Variants in STX11 observed in about 807,000 individuals in gnomAD.
The protein encoded by STX11 is syntaxin 11, also known as syntaxin-11.
Under a neutral mutation model 19.9 loss-of-function variants are expected in STX11, and 21 were observed. The ratio of observed to expected loss-of-function variants is 1.06; its 90% CI spans 0.75 to 1.52. STX11 has a LOEUF of 1.52. Among genes scored for constraint, STX11 ranks in the 40% most tolerant of loss-of-function variants. The probability of loss-of-function intolerance (pLI) is 0.00; values close to 1 mark genes in which losing one functional copy is unlikely to be tolerated. For missense variants in STX11, 438 were observed against 405.9 expected (o/e 1.08, Z -0.68); for synonymous variants, 193 against 174.4 (o/e 1.11, Z -0.84).
rs75491671 is a variant in STX11, at chr6:144,154,206, A to C, written c.-6+3503A>C. ...CTGTGATGTGCTGTCTTGATGAATG[A>C]ATCAATGAGGTTTTGGACTTTGTGG... On this transcript the variant is annotated intron_variant, in intron 1 of 1. Transcript: ENST00000367568. This position sits in a 1 kb window ranked among gnomAD's most constrained non-coding sequence, Gnocchi z 4.7. 0.055 allele frequency among the ~76,000 whole-genome samples: 8,447 copies of C among 152,258 alleles called. 376 individuals are homozygous for C. Among genetic ancestry groups the C allele is most frequent in the East Asian group, 0.23 (1,175 of 5,170 alleles).
chr6:144,159,948 A>G lies in STX11; in HGVS notation c.-6+9245A>G, dbSNP rs1044214918. On this transcript the variant is annotated intron_variant, in intron 1 of 1. Coordinates refer to ENST00000367568, the MANE Select transcript of STX11 (RefSeq NM_003764.4). The surrounding 1 kb of genome is among the most constrained non-coding windows in gnomAD (Gnocchi z 4.3). ...CCCAGTGTTGCAATTTGCAACCTCC[A>G]CCCAGCTTGGTGGCTCATGCTGGGT... 6.6e-6 allele frequency among the ~76,000 whole-genome samples: 1 copy of G among 151,988 alleles called. No homozygotes were observed. The highest frequency in any genetic ancestry group is 1.5e-5 in the Non-Finnish European group (1 of 67,984).
chr6:144,148,955 A>C (rs1440826774), upstream of STX11, among the ~76,000 whole-genome samples: 1 of 152,220 alleles, frequency 6.6e-6, no homozygotes, highest in African/African-American at 2.4e-5. Context: ...ATTTTGTAGG[A>C]TGTTCCACTA....
intron 1 of STX11, among the ~76,000 whole-genome samples, chr6:144,161,693 C>G (rs956983809): frequency 1.3e-5 from 2 of 152,072 alleles, no homozygotes; most frequent in Admixed American, 1.3e-4. Context: ...TTATTAACTG[C>G]CTTTTGCTGG....
chr6:144,189,106 C>G lies in STX11; in HGVS notation c.*1615C>G, dbSNP rs182386797. The stretch of plus-strand genomic sequence containing the variant: ...TGGCATAATCATGGCTTACTGCAGC[C>G]TTAAACTCCCAGGCTCAAGTGATCC... On this transcript the variant is annotated 3_prime_UTR_variant, in exon 2 of 2. Transcript: ENST00000367568. Among the ~76,000 whole-genome samples, 8 of 152,234 alleles carry G rather than the reference C, an allele frequency of 5.3e-5. No individual in the cohort carries two copies. In the East Asian group the frequency reaches 1.5e-3, roughly 29 times the overall value.
In STX11 at chr6:144,174,870, C is replaced by T. The variant is rs2128752637; in HGVS notation, c.-5-11753C>T. ...ACATTAGGCCAGGCACAGTGGCACA[C>T]ATCTGTAATTACAGCACTTTGGGAG... On this transcript the variant is annotated intron_variant, in intron 1 of 1. Transcript: ENST00000367568. This position sits in a 1 kb window ranked among gnomAD's most constrained non-coding sequence, Gnocchi z 5.3. 1.3e-5 allele frequency among the ~76,000 whole-genome samples: 2 copies of T among 152,244 alleles called. No individual in the cohort carries two copies. The highest frequency in any genetic ancestry group is 4.1e-4 in the South Asian group (2 of 4,820).
chr6:144,173,060 G>A (rs1350521747), intron 1 of STX11, among the ~76,000 whole-genome samples: 2 of 152,012 alleles, frequency 1.3e-5, no homozygotes, highest in African/African-American at 4.8e-5. Context: ...CACTGCTCTT[G>A]GCTCTACCCT....
rs1801140357 is a variant in STX11 at position 144,155,999 on chromosome 6, TTTCTTTCTTTCTTTCTCTCTTTCTC to T, written c.-6+5298_-6+5322del. 1.5e-5 allele frequency among the ~76,000 whole-genome samples: 2 copies of T among 129,600 alleles called. No individual in the cohort carries two copies. Among genetic ancestry groups the T allele is most frequent in the African/African-American group, 8.3e-5 (2 of 24,036 alleles). 85.0% of individuals were successfully genotyped at this position (129,600 alleles called of 152,430 possible). Reference sequence around the variant, plus strand: ...CTTTCTTTCTTTCTTTCTTTCTTTCTTTCTTTCTTTCTTTCTCTCTTTCTCTCCTTCCTTCCTTCCTTCCTTCCTT... The same window carrying T: ...CTTTCTTTCTTTCTTTCTTTCTTTCTTCCTTCCTTCCTTCCTTCCTTCCTT... On this transcript the variant is annotated intron_variant, in intron 1 of 1. Coordinates refer to ENST00000367568, the MANE Select transcript of STX11 (RefSeq NM_003764.4). This position sits in a 1 kb window ranked among gnomAD's most constrained non-coding sequence, Gnocchi z 4.5.
chr6:144,185,352 G>A (rs948779873), intron 1 of STX11, among the ~76,000 whole-genome samples: 2 of 152,132 alleles, frequency 1.3e-5, no homozygotes, highest in African/African-American at 4.8e-5. Context: ...ACCATTAAGT[G>A]TTACTACTTT....
chr6:144,157,286 C>T (rs1037359790), intron 1 of STX11, among the ~76,000 whole-genome samples: 1 of 152,172 alleles, frequency 6.6e-6, no homozygotes, highest in African/African-American at 2.4e-5. Context: ...ATTGTTCTGC[C>T]TCCTGAGGCA....
rs80306248 is a variant in STX11, at chr6:144,175,747, G to A, written c.-5-10876G>A. 4.7e-3 allele frequency among the ~76,000 whole-genome samples: 722 copies of A among 152,292 alleles called. 2 individuals are homozygous for A. The highest frequency in any genetic ancestry group is 0.017 in the African/African-American group (691 of 41,548). ...CTTCTTTGATTTTACTTAACATGGT[G>A]GTTGGGTTGATTAAGGAAGGAACAC... On this transcript the variant is annotated intron_variant, in intron 1 of 1. Coordinates refer to ENST00000367568, the MANE Select transcript of STX11 (RefSeq NM_003764.4). This position sits in a 1 kb window ranked among gnomAD's most constrained non-coding sequence, Gnocchi z 5.1.
rs1309032986 is a variant in STX11, at chr6:144,162,380, A to G, written c.-6+11677A>G. Among the ~76,000 whole-genome samples the G allele has an allele frequency of 1.3e-5, 2 of 152,178 alleles. No individual in the cohort carries two copies. Among genetic ancestry groups the G allele is most frequent in the South Asian group, 2.1e-4 (1 of 4,830 alleles). On this transcript the variant is annotated intron_variant, in intron 1 of 1. Coordinates refer to ENST00000367568, the MANE Select transcript of STX11 (RefSeq NM_003764.4). The surrounding 1 kb of genome is among the most constrained non-coding windows in gnomAD (Gnocchi z 4.6). Reference sequence around the variant, plus strand: ...TTATCCATTTGCTTCATAATTTCCAACATTGTGTTGCTGTTTTCTTCTCTC... The same window carrying G: ...TTATCCATTTGCTTCATAATTTCCAGCATTGTGTTGCTGTTTTCTTCTCTC...
At position 144,152,876 on chromosome 6, in the gene STX11, T is replaced by C. The variant is rs1801040602; in HGVS notation, c.-6+2173T>C. On this transcript the variant is annotated intron_variant, in intron 1 of 1. Transcript: ENST00000367568. This position sits in a 1 kb window ranked among gnomAD's most constrained non-coding sequence, Gnocchi z 4.9. ...CTCGAACTGCTGACCTCAGGTGATC[T>C]GCTTGCCTTGGCCTCCCAAAGTGCT... Among the ~76,000 whole-genome samples, 1 of 152,364 alleles carries C rather than the reference T, an allele frequency of 6.6e-6. No individual in the cohort carries two copies. Among genetic ancestry groups the C allele is most frequent in the African/African-American group, 2.4e-5 (1 of 41,590 alleles).
rs1253679398 is a variant in STX11 at position 144,177,261 on chromosome 6, A to G, written c.-5-9362A>G. On this transcript the variant is annotated intron_variant, in intron 1 of 1. Transcript: ENST00000367568. The surrounding 1 kb of genome is among the most constrained non-coding windows in gnomAD (Gnocchi z 4.4). Reference sequence around the variant, plus strand: ...AAATCTATTCCCCATCATTTTTTAAACATAGATCTTTGCTGTATTTTCCAG... The same window carrying G: ...AAATCTATTCCCCATCATTTTTTAAGCATAGATCTTTGCTGTATTTTCCAG... Among the ~76,000 whole-genome samples, 1 of 152,230 alleles carries G rather than the reference A, an allele frequency of 6.6e-6. No homozygotes were observed. Among genetic ancestry groups the G allele is most frequent in the East Asian group, 1.9e-4 (1 of 5,204 alleles).
rs548336581 is a variant in STX11 at position 144,182,760 on chromosome 6, T to C, written c.-5-3863T>C. Among the ~76,000 whole-genome samples, 1 of 152,320 alleles carries C rather than the reference T, an allele frequency of 6.6e-6. No homozygotes were observed. Among genetic ancestry groups the C allele is most frequent in the Admixed American group, 6.5e-5 (1 of 15,290 alleles). On this transcript the variant is annotated intron_variant, in intron 1 of 1. Coordinates refer to ENST00000367568, the MANE Select transcript of STX11 (RefSeq NM_003764.4). The surrounding 1 kb of genome is among the most constrained non-coding windows in gnomAD (Gnocchi z 4.8). ...AAATGATCCCTAGTGTCCCAGGGCG[T>C]GGTACAGTCCCTTATCTACCCATTT...
rs1017990832 is a variant in STX11, at chr6:144,165,836, C to T, written c.-6+15133C>T. Among the ~76,000 whole-genome samples, 4 of 152,094 alleles carry T rather than the reference C, an allele frequency of 2.6e-5. No individual in the cohort carries two copies. The highest frequency in any genetic ancestry group is 4.4e-5 in the Non-Finnish European group (3 of 68,018). ...AAAGTGCTCTCATGTACATAACTTA[C>T]GTAACTTAACAATCAAAAAGTAACC... On this transcript the variant is annotated intron_variant, in intron 1 of 1. Coordinates refer to ENST00000367568, the MANE Select transcript of STX11 (RefSeq NM_003764.4). The surrounding 1 kb of genome is among the most constrained non-coding windows in gnomAD (Gnocchi z 5.8).
In STX11 at chr6:144,177,448, C is replaced by T. The variant is rs978296740; in HGVS notation, c.-5-9175C>T. On this transcript the variant is annotated intron_variant, in intron 1 of 1. Coordinates refer to ENST00000367568, the MANE Select transcript of STX11 (RefSeq NM_003764.4). This position sits in a 1 kb window ranked among gnomAD's most constrained non-coding sequence, Gnocchi z 4.4. ...CCTTGAGTGCTCCTGTCTTTACTTTCTCCCTTAGCTCATCTACTGGCTGGG... is the reference window on the plus strand; with the variant it reads ...CCTTGAGTGCTCCTGTCTTTACTTTTTCCCTTAGCTCATCTACTGGCTGGG... Among the ~76,000 whole-genome samples the T allele has an allele frequency of 1.3e-5, 2 of 152,196 alleles. No homozygotes were observed. The highest frequency in any genetic ancestry group is 4.8e-5 in the African/African-American group (2 of 41,452).
chr6:144,178,568 C>A (rs556366363), intron 1 of STX11, among the ~76,000 whole-genome samples: 3 of 152,118 alleles, frequency 2.0e-5, no homozygotes, highest in African/African-American at 7.2e-5. Context: ...AACTGAAAAG[C>A]GAATTATGTC....
In STX11 at chr6:144,152,194, C is replaced by T. The variant is rs1188382588; in HGVS notation, c.-6+1491C>T. On this transcript the variant is annotated intron_variant, in intron 1 of 1. Transcript: ENST00000367568. The surrounding 1 kb of genome is among the most constrained non-coding windows in gnomAD (Gnocchi z 4.9). ...TATCACCCCTAGATAATTGCGGTCA[C>T]GATTAGTTGATAGTGTGACTTTTAA... Among the ~76,000 whole-genome samples the T allele has an allele frequency of 6.6e-6, 1 of 151,962 alleles. No homozygotes were observed. Among genetic ancestry groups the T allele is most frequent in the Admixed American group, 6.6e-5 (1 of 15,262 alleles).
At position 144,191,792 on chromosome 6, in the gene STX11, A is replaced by G. The variant is rs893512193; in HGVS notation, c.*4301A>G. ...AAAATGGGGCTATTAGAAATGGAAA[A>G]CGAATAGGATCTAGAATGTAACTTC... On this transcript the variant is annotated 3_prime_UTR_variant, in exon 2 of 2. Transcript: ENST00000367568. 6.6e-6 allele frequency among the ~76,000 whole-genome samples: 1 copy of G among 152,224 alleles called. No individual in the cohort carries two copies. The highest frequency in any genetic ancestry group is 2.4e-5 in the African/African-American group (1 of 41,454).
Sources: allele counts gnomAD v4.1 joint callset (sites outside exome capture counted in the v4.1 genomes callset), GRCh38; gene constraint gnomAD v4.1.1; non-coding constraint Gnocchi (gnomAD v3.1); transcripts MANE v1.5; gene names NCBI Gene and HGNC (gene_info 2026-07-23, HGNC 2026-07-21).